The following CUL3 variants were observed in gnomAD, a reference collection of about 807,000 sequenced individuals.
CUL3 encodes cullin-3.
Under a neutral mutation model 89.1 loss-of-function variants are expected in CUL3, and 19 were observed. That is an observed-to-expected ratio of 0.21 (90% CI 0.15 to 0.31). The LOEUF is 0.31. Ranked by LOEUF, CUL3 falls within the 10% of genes least tolerant of loss-of-function variation. The pLI is 1.00. For missense variants in CUL3, 469 were observed against 942.3 expected (o/e 0.50, Z 6.58); for synonymous variants, 351 against 308.4 (o/e 1.14, Z -1.45).
At chr2:224,572,877 C>T (rs1446799255) in intron 1 of CUL3, among the ~76,000 whole-genome samples, 2 of 152,158 alleles carry the variant, frequency 1.3e-5, no homozygotes, top group Non-Finnish European at 2.9e-5. Flanking sequence ...GAACCTGCAG[C>T]ACCTTGATCT....
intron 15 of CUL3, 117 bp downstream of exon 15, chr2:224,478,083 G>A: frequency 9.6e-7 from 1 of 1,038,722 alleles, no homozygotes; most frequent in East Asian, 2.6e-5. Flanking sequence ...TTTCATAAGT[G>A]TTACATCACT....
rs1484081354 is a variant in CUL3 at position 224,512,550 on chromosome 2, TATC to T, written c.654+971_655-969del. On this transcript the variant is annotated intron_variant, in intron 5 of 15. Coordinates refer to ENST00000264414, the MANE Select transcript of CUL3 (RefSeq NM_003590.5). ...TTTACTAGTACTCAATTATTGTTGT[TATC>T]ATCATTTCATTACAGATTAGTACCA... 1.6e-4 allele frequency among the ~76,000 whole-genome samples: 24 copies of T among 152,352 alleles called. No homozygotes were observed. The South Asian group carries it at 4.8e-3, about 30-fold the overall frequency.
intron 1 of CUL3, among the ~76,000 whole-genome samples, chr2:224,581,498 TTTTTC>T (rs1167592785): frequency 6.6e-6 from 1 of 151,500 alleles, no homozygotes. Context: ...ACATATATAA[TTTTTC>T]TTTTCTTTTT....
intron 1 of CUL3, among the ~76,000 whole-genome samples, chr2:224,577,899 A>T (rs925748369): frequency 1.3e-5 from 2 of 152,210 alleles, no homozygotes; most frequent in African/African-American, 4.8e-5. Flanking sequence ...AAGAGTGCTC[A>T]CTTTAGAGCC....
rs148447694 is a variant in CUL3 at position 224,580,272 on chromosome 2, C to T, written c.66+4672G>A. Among the ~76,000 whole-genome samples the T allele has an allele frequency of 9.2e-5, 14 of 152,308 alleles. No homozygotes were observed. The East Asian group carries it at 2.7e-3, about 29-fold the overall frequency. On this transcript the variant is annotated intron_variant, in intron 1 of 15. Coordinates refer to ENST00000264414, the MANE Select transcript of CUL3 (RefSeq NM_003590.5). ...AACAGCTTACAAATACAGAAACGTC[C>T]TTATTGTCTTCCATCTTAAAAAGAA... is the stretch of plus-strand genomic sequence containing the variant.
rs1691101986 is a variant in CUL3 at position 224,470,763 on chromosome 2, C to A, written c.*3482G>T. 1 of 231,550 alleles carries A rather than the reference C, an allele frequency of 4.3e-6. No homozygotes were observed. Among genetic ancestry groups the A allele is most frequent in the South Asian group, 1.8e-4 (1 of 5,516 alleles). 14.3% of individuals were successfully genotyped at this position (231,550 alleles called of 1,614,324 possible). ...GTATCAGCAAATAATGTAAAGCTAA[C>A]AAAAATGTGCAAAATTCCATATTGC... On this transcript the variant is annotated 3_prime_UTR_variant, in exon 16 of 16. Transcript: ENST00000264414.
intron 7 of CUL3, 65 bp from the exon 8 acceptor site, chr2:224,506,197 AC>A: frequency 1.9e-6 from 2 of 1,069,938 alleles, no homozygotes; most frequent in Middle Eastern, 2.2e-4. Flanking sequence ...TACACTTATG[AC>A]CATGTATGTT....
At chr2:224,572,579 T>C (rs1695205921) in intron 1 of CUL3, among the ~76,000 whole-genome samples, 1 of 135,520 alleles carries the variant, frequency 7.4e-6, no homozygotes, top group Non-Finnish European at 1.5e-5. Flanking sequence ...AGGGCATGGC[T>C]ACAGTTAGCC....
At chr2:224,500,024 T>C (rs1692318473) in intron 11 of CUL3, 1 of 201,750 alleles carries the variant, frequency 5.0e-6, no homozygotes, top group Admixed American at 5.4e-5. Flanking sequence ...CAATTGGAGT[T>C]AGCTGAAGTG....
intron 15 of CUL3, among the ~76,000 whole-genome samples, chr2:224,475,043 A>T (rs1210496706): frequency 1.3e-5 from 2 of 152,064 alleles, no homozygotes; most frequent in Non-Finnish European, 2.9e-5. Flanking sequence ...TTTGAGATCG[A>T]GTCTTGCTCT....
chr2:224,490,172 C>T (rs1253721301), intron 13 of CUL3, among the ~76,000 whole-genome samples: 7 of 152,164 alleles, frequency 4.6e-5, no homozygotes, highest in African/African-American at 1.7e-4. Flanking sequence ...CCATGTGATG[C>T]TGTGCTTCAG....
intron 15 of CUL3, 99 bp from the exon 16 acceptor site, chr2:224,474,475 TACTAACTGGATTACCAAAGATA>T: frequency 1.1e-6 from 1 of 927,056 alleles, no homozygotes. Flanking sequence ...GACTGAACTT[TACTAACTGGATTACCAAAGATA>T]AAAGCACAGA....
At chr2:224,534,830 T>C (rs558075399) in intron 3 of CUL3, among the ~76,000 whole-genome samples, 26 of 150,398 alleles carry the variant, frequency 1.7e-4, no homozygotes, top group African/African-American at 6.4e-4. Context: ...AAAAGAAAAA[T>C]AAAATAAAAA....
chr2:224,503,113 A>C, intron 9 of CUL3, 41 bp from the exon 10 acceptor site: 4 of 1,146,424 alleles, frequency 3.5e-6, no homozygotes, highest in Non-Finnish European at 5.3e-6. Flanking sequence ...TAAATGGTAG[A>C]TGTTTCTATG....
rs1352533980 is a variant in CUL3 at position 224,485,326 on chromosome 2, T to C, written c.1843-3248A>G. 7 of 152,300 alleles carry C rather than the reference T, an allele frequency of 4.6e-5. No homozygotes were observed. Among genetic ancestry groups the C allele is most frequent in the Non-Finnish European group, 8.8e-5 (6 of 68,180 alleles). 9.4% of individuals were successfully genotyped at this position (152,300 alleles called of 1,614,324 possible). On this transcript the variant is annotated intron_variant, in intron 13 of 15. Transcript: ENST00000264414. This position sits in a 1 kb window ranked among gnomAD's most constrained non-coding sequence, Gnocchi z 4.1. ...CAGGGAGCCAAGTGGTCTTACTCAG[T>C]GGGTCCCACCCCGACAGATCCCAGC...
intron 3 of CUL3, among the ~76,000 whole-genome samples, chr2:224,521,724 G>A (rs1230786526): frequency 1.3e-5 from 2 of 151,492 alleles, no homozygotes; most frequent in African/African-American, 4.9e-5. Flanking sequence ...ACCAAGGATA[G>A]TTATTTATTA....
intron 6 of CUL3, among the ~76,000 whole-genome samples, chr2:224,508,865 G>C (rs1692703542): frequency 6.7e-6 from 1 of 150,134 alleles, no homozygotes; most frequent in African/African-American, 2.5e-5. Context: ...ATGAGGCTGA[G>C]GCAGGAGAAT....
At chr2:224,482,224 A>T in intron 13 of CUL3, 146 bp from the exon 14 acceptor site, 4 of 546,132 alleles carry the variant, frequency 7.3e-6, no homozygotes, top group Non-Finnish European at 1.3e-5. Context: ...GAGTACTATG[A>T]CACATCATTA....
intron 7 of CUL3, 67 bp from the exon 8 acceptor site, chr2:224,506,199 CATGT>C: frequency 9.5e-7 from 1 of 1,053,866 alleles, no homozygotes; most frequent in Non-Finnish European, 1.3e-6. Context: ...CACTTATGAC[CATGT>C]ATGTTTATCT....
Sources: gnomAD v4.1 joint callset for allele counts (sites outside exome capture counted in the v4.1 genomes callset) on GRCh38, gnomAD v4.1.1 for gene constraint, Gnocchi (gnomAD v3.1) non-coding constraint, MANE v1.5 for transcripts, NCBI Gene and HGNC (gene_info 2026-07-23, HGNC 2026-07-21) for gene names.